Variants in EPN2 observed in about 807,000 individuals in gnomAD.
EPN2 encodes the protein epsin 2.
EPN2 carries 34 observed loss-of-function variants against 61.7 expected under a neutral mutation model. The ratio of observed to expected loss-of-function variants is 0.55; its 90% CI spans 0.42 to 0.73. The LOEUF (loss-of-function observed/expected upper bound fraction) is 0.73. EPN2 is among the 30% of genes least tolerant of loss of function. The probability of loss-of-function intolerance (pLI) is 0.00; values close to 1 mark genes in which losing one functional copy is unlikely to be tolerated. For synonymous variants in EPN2, 349 were observed against 353.6 expected (o/e 0.99, Z 0.15); for missense variants, 714 against 839.2 (o/e 0.85, Z 1.84).
chr17:19,283,010 C>A lies in EPN2; in HGVS notation c.-110C>A. On this transcript the variant is annotated 5_prime_UTR_variant, in exon 3 of 11. Coordinates refer to ENST00000314728, the MANE Select transcript of EPN2 (RefSeq NM_014964.5). The surrounding 1 kb of genome is among the most constrained non-coding windows in gnomAD (Gnocchi z 7.0). ...AAGGAGGAAATGACCATTCAGGGAT[C>A]TTACTCCAGCTTGATTACGGAGACT... The A allele has an allele frequency of 1.4e-6, 1 of 737,208 alleles. No individual in the cohort carries two copies. Among genetic ancestry groups the A allele is most frequent in the Non-Finnish European group, 2.2e-6 (1 of 455,104 alleles). The allele number at this position is 737,208 out of a possible 1,614,324, so 45.7% of individuals were successfully genotyped here. A position where few individuals can be genotyped will look rare whatever the true frequency, so the allele number is the denominator to read the frequency against.
intron 1 of EPN2, among the ~76,000 whole-genome samples, chr17:19,239,271 C>T (rs1028526914): frequency 1.2e-4 from 18 of 152,210 alleles, no homozygotes; most frequent in African/African-American, 4.3e-4. Context: ...CCTCAGCCTC[C>T]GGAGTAGCTG....
At chr17:19,278,260 G>A (rs1482738624) in intron 1 of EPN2, among the ~76,000 whole-genome samples, 3 of 151,946 alleles carry the variant, frequency 2.0e-5, no homozygotes, top group African/African-American at 7.3e-5. Flanking sequence ...ACAGACATGA[G>A]CCACCACACC....
chr17:19,312,143 A>G lies in EPN2; in HGVS notation c.971A>G (p.Glu324Gly). The G allele has an allele frequency of 6.2e-7, 1 of 1,611,082 alleles. No individual in the cohort carries two copies. Among genetic ancestry groups the G allele is most frequent in the Non-Finnish European group, 8.5e-7 (1 of 1,177,294 alleles). Reference protein sequence around the residue: ...RDTVKIPKKKEHGSLPQQTTL... With the variant: ...RDTVKIPKKKGHGSLPQQTTL... The stretch of plus-strand genomic sequence containing the variant: ...ACAGTTAAAATTCCAAAAAAGAAAG[A>G]GGTAAGAGCTTGCTGGGAGGGTAGA... Residue 324 changes from glutamate (E) to glycine (G), a missense_variant and splice_region_variant, in exon 6 of 11, where the codon GAG becomes GGG. By Grantham distance (98) the Glu-to-Gly change is moderately conservative. Around this residue, in one of 2 missense-constraint regions of EPN2, gnomAD observed 410 missense variants for 421.8 expected, o/e 0.97. Coordinates refer to ENST00000314728, the MANE Select transcript of EPN2 (RefSeq NM_014964.5).
At chr17:19,327,733 G>T (rs1044771956) in intron 7 of EPN2, among the ~76,000 whole-genome samples, 1 of 152,100 alleles carries the variant, frequency 6.6e-6, no homozygotes, top group African/African-American at 2.4e-5. Flanking sequence ...ATATATGTGT[G>T]TGTGTATTCA....
chr17:19,316,689 A>G (rs79918027), intron 7 of EPN2, among the ~76,000 whole-genome samples: 1,559 of 152,326 alleles, frequency 0.01, 22 homozygotes, highest in African/African-American at 0.036. Context: ...GTATATTTCA[A>G]TTTGTAGTGT....
At chr17:19,323,764 C>T (rs1042645010) in intron 7 of EPN2, among the ~76,000 whole-genome samples, 9 of 152,174 alleles carry the variant, frequency 5.9e-5, no homozygotes, top group Admixed American at 4.6e-4. Context: ...GAAACAACAA[C>T]AGCAACAAAA....
rs578070032 is a variant in EPN2 at position 19,261,806 on chromosome 17, A to G, written c.-293-20149A>G. 2.6e-5 allele frequency among the ~76,000 whole-genome samples: 4 copies of G among 152,358 alleles called. No homozygotes were observed. In the East Asian group the frequency reaches 7.7e-4, roughly 29 times the overall value. ...CTTTTTCATGGGGCATGTCCAGTGT[A>G]TGTAGTCAGGAGACTTCACTCATAG... On this transcript the variant is annotated intron_variant, in intron 1 of 10. Transcript: ENST00000314728.
Position 19,285,870 on chromosome 17 carries a change from C to G in EPN2, c.766+80C>G. The G allele has an allele frequency of 6.9e-7, 1 of 1,439,406 alleles. No individual in the cohort carries two copies. The highest frequency in any genetic ancestry group is 1.5e-5 in the South Asian group (1 of 67,920). The allele number at this position is 1,439,406 out of a possible 1,614,324, so 89.2% of individuals were successfully genotyped here. On this transcript the variant is annotated intron_variant, in intron 4 of 10. Coordinates refer to ENST00000314728, the MANE Select transcript of EPN2 (RefSeq NM_014964.5). This position sits in a 1 kb window ranked among gnomAD's most constrained non-coding sequence, Gnocchi z 4.5. ...GGTGTGCTTGCCATGCCAGTACAGC[C>G]AACTCTCTCCCTGTCTCCTCTGGGC...
chr17:19,318,960 G>C (rs1366829701), intron 7 of EPN2, among the ~76,000 whole-genome samples: 1 of 152,100 alleles, frequency 6.6e-6, no homozygotes, highest in Non-Finnish European at 1.5e-5. Flanking sequence ...ACTTTAGGAG[G>C]CCAAGTTTGG....
chr17:19,239,201 G>T (rs2044852116), intron 1 of EPN2, among the ~76,000 whole-genome samples: 1 of 152,342 alleles, frequency 6.6e-6, no homozygotes, highest in Middle Eastern at 3.4e-3. Flanking sequence ...AGGCTAGAGT[G>T]CAGTGGCACG....
At chr17:19,307,122 CA>C (rs1905882372) in intron 4 of EPN2, among the ~76,000 whole-genome samples, 1 of 151,678 alleles carries the variant, frequency 6.6e-6, no homozygotes, top group South Asian at 2.1e-4. Context: ...ACAAAACGAA[CA>C]AAAAAATATA....
intron 4 of EPN2, among the ~76,000 whole-genome samples, chr17:19,306,700 C>T (rs569745990): frequency 6.6e-6 from 1 of 152,346 alleles, no homozygotes; most frequent in East Asian, 1.9e-4. Context: ...CACTCTCCCC[C>T]TCCAACCTGG....
chr17:19,326,686 C>CAAAAAA (rs36161060), intron 7 of EPN2, among the ~76,000 whole-genome samples: 2,917 of 75,754 alleles, frequency 0.039, 407 homozygotes, highest in African/African-American at 0.046. Context: ...GACTCCGTCT[C>CAAAAAA]AAAAAAAAAA....
chr17:19,328,997 C>A lies in EPN2; in HGVS notation c.1324+110C>A, dbSNP rs576341626. 9.5e-6 allele frequency: 9 copies of A among 951,926 alleles called. No homozygotes were observed. The East Asian group carries it at 2.4e-4, about 25-fold the overall frequency. The allele number at this position is 951,926 out of a possible 1,614,324, so 59.0% of individuals were successfully genotyped here. ...CCTGTTGCTTTGCTTGCATTTGCTC[C>A]CCTCCTCCCCCTTAGCCTTTGTTCC... On this transcript the variant is annotated intron_variant, in intron 8 of 10. Coordinates refer to ENST00000314728, the MANE Select transcript of EPN2 (RefSeq NM_014964.5).
chr17:19,293,048 T>C (rs2045480184), intron 4 of EPN2, among the ~76,000 whole-genome samples: 1 of 152,216 alleles, frequency 6.6e-6, no homozygotes, highest in Non-Finnish European at 1.5e-5. Flanking sequence ...GTTCATCTTA[T>C]ATAATGCTTT....
rs1235859030 is a variant in EPN2, at chr17:19,328,767, C to A, written c.1204C>A (p.Gln402Lys). The change falls in exon 8 of 11, where the codon CAA becomes AAA. Residue 402 changes from glutamine (Q) to lysine (K), a missense_variant. Coordinates refer to ENST00000314728, the MANE Select transcript of EPN2 (RefSeq NM_014964.5). ...PWGVPTGATVQSVPKNSDPWA... is the reference protein window; with the variant it reads ...PWGVPTGATVKSVPKNSDPWA... ...GGGGGTGCCCACTGGAGCCACCGTA[C>A]AATCTGTCCCCAAGAACTCGGACCC... The A allele has an allele frequency of 1.2e-6, 2 of 1,613,390 alleles. No individual in the cohort carries two copies. The highest frequency in any genetic ancestry group is 1.7e-6 in the Non-Finnish European group (2 of 1,179,512).
intron 1 of EPN2, among the ~76,000 whole-genome samples, chr17:19,267,440 A>G (rs751799681): frequency 6.6e-6 from 1 of 152,194 alleles, no homozygotes; most frequent in Non-Finnish European, 1.5e-5. Flanking sequence ...CCCATATGCC[A>G]TAGCAGTAAT....
chr17:19,308,590 G>A, intron 4 of EPN2: 1 of 985,384 alleles, frequency 1.0e-6, no homozygotes. Context: ...GGGAAGCCGA[G>A]CTCTGACTAC....
At chr17:19,245,976 C>T (rs1194776557) in intron 1 of EPN2, among the ~76,000 whole-genome samples, 2 of 151,874 alleles carry the variant, frequency 1.3e-5, no homozygotes, top group Non-Finnish European at 2.9e-5. Flanking sequence ...TTCTTCATCT[C>T]TTGACCTTGT....
Sources: allele counts gnomAD v4.1 joint callset (sites outside exome capture counted in the v4.1 genomes callset), GRCh38; gene constraint gnomAD v4.1.1; regional missense constraint gnomAD v4.1.1; non-coding constraint Gnocchi (gnomAD v3.1); transcripts MANE v1.5; gene names NCBI Gene and HGNC (gene_info 2026-07-23, HGNC 2026-07-21).